Variants in NXPH2 observed in about 807,000 individuals in gnomAD.
NXPH2 encodes neurexophilin 2, also known as neurexophilin-2.
In NXPH2, 5 loss-of-function variants were observed where a neutral mutation model predicts 19.8. The ratio of observed to expected loss-of-function variants is 0.25; its 90% CI spans 0.13 to 0.53. The LOEUF (loss-of-function observed/expected upper bound fraction) is 0.53. Among genes scored for constraint, NXPH2 ranks in the 20% least tolerant of loss-of-function variants. The pLI is 0.96. For synonymous variants in NXPH2, 154 were observed against 127.4 expected, an observed-to-expected ratio of 1.21 and a Z score of -1.41; for missense variants, 289 against 322.8, an observed-to-expected ratio of 0.90 and a Z score of 0.80.
chr2:138,754,646 A>G (rs911209341), intron 1 of NXPH2, among the ~76,000 whole-genome samples: 1 of 152,192 alleles, frequency 6.6e-6, no homozygotes, highest in African/African-American at 2.4e-5. Flanking sequence ...GCTGCTATAA[A>G]CATTTGCATG....
At chr2:138,729,289 A>G (rs1681408926) in intron 1 of NXPH2, among the ~76,000 whole-genome samples, 2 of 152,146 alleles carry the variant, frequency 1.3e-5, no homozygotes, top group Admixed American at 1.3e-4. Context: ...TAGTGAGAAA[A>G]TTCTCATGAG....
intron 1 of NXPH2, among the ~76,000 whole-genome samples, chr2:138,753,602 A>G (rs1681858578): frequency 6.6e-6 from 1 of 152,152 alleles, no homozygotes; most frequent in Non-Finnish European, 1.5e-5. Flanking sequence ...AAATATATAC[A>G]TATATCTATA....
intron 1 of NXPH2, among the ~76,000 whole-genome samples, chr2:138,719,649 C>T (rs1200959675): frequency 6.6e-6 from 1 of 152,190 alleles, no homozygotes; most frequent in African/African-American, 2.4e-5. Flanking sequence ...GGGAAGATCG[C>T]TTGAGCCCAG....
intron 1 of NXPH2, among the ~76,000 whole-genome samples, chr2:138,750,475 C>A (rs1278761282): frequency 1.3e-5 from 2 of 151,712 alleles, no homozygotes; most frequent in Non-Finnish European, 1.5e-5. Context: ...TAGTAAATAG[C>A]CAAATTGTAG....
At chr2:138,690,583 GAA>G (rs57093369) in intron 1 of NXPH2, among the ~76,000 whole-genome samples, 2 of 135,886 alleles carry the variant, frequency 1.5e-5, no homozygotes, top group Non-Finnish European at 3.3e-5. Context: ...CTCAGAAATT[GAA>G]AAAAAAAAAA....
intron 1 of NXPH2, among the ~76,000 whole-genome samples, chr2:138,697,063 A>G (rs1381859132): frequency 6.6e-6 from 1 of 152,164 alleles, no homozygotes; most frequent in Admixed American, 6.5e-5. Context: ...GAATCTCAAA[A>G]AGATCTCAGA....
At chr2:138,674,771 C>G (rs1398284920) in intron 1 of NXPH2, among the ~76,000 whole-genome samples, 1 of 152,230 alleles carries the variant, frequency 6.6e-6, no homozygotes. Context: ...AGATAAGAAG[C>G]TCTTGCTAAT....
In NXPH2 at chr2:138,675,767, TA is replaced by T. The variant is rs563038964; in HGVS notation, c.52-4103del. On this transcript the variant is annotated intron_variant, in intron 1 of 1. Coordinates refer to ENST00000272641, the MANE Select transcript of NXPH2 (RefSeq NM_007226.3). The stretch of plus-strand genomic sequence containing the variant: ...AGAATTTGAAATGAAATTAGATTTC[TA>T]AAAAAAAATCATTCTAACACACTAC... 4.6e-3 allele frequency among the ~76,000 whole-genome samples: 690 copies of T among 151,520 alleles called. 4 individuals are homozygous for T. Among genetic ancestry groups the T allele is most frequent in the African/African-American group, 7.0e-3 (289 of 41,348 alleles).
At chr2:138,737,012 T>C (rs895233119) in intron 1 of NXPH2, among the ~76,000 whole-genome samples, 1 of 152,136 alleles carries the variant, frequency 6.6e-6, no homozygotes, top group Admixed American at 6.5e-5. Flanking sequence ...TCCCTATCAG[T>C]ATTTTGGGCA....
intron 1 of NXPH2, among the ~76,000 whole-genome samples, chr2:138,732,217 T>C (rs375517660): frequency 8.5e-5 from 13 of 152,210 alleles, no homozygotes; most frequent in East Asian, 3.9e-4. Flanking sequence ...GAGGGCTCTG[T>C]GATTAAGGAT....
At chr2:138,694,713 AT>A (rs1680803932) in intron 1 of NXPH2, among the ~76,000 whole-genome samples, 1 of 152,156 alleles carries the variant, frequency 6.6e-6, no homozygotes, top group African/African-American at 2.4e-5. Flanking sequence ...TCAACTTACA[AT>A]TTTATGATTT....
intron 1 of NXPH2, among the ~76,000 whole-genome samples, chr2:138,737,388 A>AACCATCAG (rs1681566920): frequency 6.6e-6 from 1 of 152,178 alleles, no homozygotes; most frequent in African/African-American, 2.4e-5. Flanking sequence ...TCCCCTTATA[A>AACCATCAG]ACCATCAGAT....
intron 1 of NXPH2, among the ~76,000 whole-genome samples, chr2:138,769,250 G>A (rs978608227): frequency 2.0e-5 from 3 of 152,170 alleles, no homozygotes; most frequent in African/African-American, 7.2e-5. Flanking sequence ...GGCTGGGGAT[G>A]GAGAGGAAGA....
At chr2:138,698,245 G>T (rs1392549357) in intron 1 of NXPH2, among the ~76,000 whole-genome samples, 6 of 151,976 alleles carry the variant, frequency 3.9e-5, no homozygotes, top group African/African-American at 1.4e-4. Flanking sequence ...AATGATATGG[G>T]TTTTAATAAT....
At chr2:138,753,706 T>C (rs888941667) in intron 1 of NXPH2, among the ~76,000 whole-genome samples, 1 of 152,158 alleles carries the variant, frequency 6.6e-6, no homozygotes, top group African/African-American at 2.4e-5. Flanking sequence ...AATAGATCAC[T>C]GTAGCCTCCT....
At chr2:138,686,380 C>T (rs922719665) in intron 1 of NXPH2, among the ~76,000 whole-genome samples, 3 of 152,134 alleles carry the variant, frequency 2.0e-5, no homozygotes. Flanking sequence ...CACTGTCTCT[C>T]TCTTGCCATC....
At chr2:138,710,881 C>T (rs1242842352) in intron 1 of NXPH2, among the ~76,000 whole-genome samples, 4 of 152,140 alleles carry the variant, frequency 2.6e-5, no homozygotes, top group Admixed American at 1.3e-4. Context: ...CCCAAGCTGG[C>T]TTCCCCGACT....
intron 1 of NXPH2, among the ~76,000 whole-genome samples, chr2:138,719,057 G>C (rs1681237549): frequency 6.6e-6 from 1 of 152,016 alleles, no homozygotes; most frequent in Admixed American, 6.6e-5. Context: ...TTATTCCTGG[G>C]GAGAGAATTA....
chr2:138,712,678 T>C (rs1158363232), intron 1 of NXPH2, among the ~76,000 whole-genome samples: 1 of 152,194 alleles, frequency 6.6e-6, no homozygotes, highest in East Asian at 1.9e-4. Context: ...CCTCACCCCC[T>C]TCCTATGTTC....
Sources: gnomAD v4.1 joint callset for allele counts (sites outside exome capture counted in the v4.1 genomes callset) on GRCh38, gnomAD v4.1.1 for gene constraint, MANE v1.5 for transcripts, NCBI Gene and HGNC (gene_info 2026-07-23, HGNC 2026-07-21) for gene names.